Variants in SPAST observed in about 807,000 individuals in gnomAD.
SPAST encodes spastin, also known as spastic paraplegia 4 (autosomal dominant; spastin).
A neutral mutation model predicts 76.6 loss-of-function variants in SPAST; 30 were observed. The ratio of observed to expected loss-of-function variants is 0.39; its 90% confidence interval spans 0.29 to 0.53. The LOEUF (loss-of-function observed/expected upper bound fraction) is 0.53. Ranked by LOEUF, SPAST falls within the 20% of genes least tolerant of loss-of-function variation. The pLI, the probability that SPAST is intolerant of heterozygous loss-of-function variation, is 0.68. For synonymous variants in SPAST, 305 were observed against 281.0 expected, an observed-to-expected ratio of 1.09 and a Z score of -0.86; for missense variants, 717 against 770.5, an observed-to-expected ratio of 0.93 and a Z score of 0.82.
At chr2:32,154,284 ACAG>A (rs1195014745) in intron 16 of SPAST, 87 bp from the exon 17 acceptor site, 42 of 1,103,682 alleles carry the variant, frequency 3.8e-5, no homozygotes, top group Admixed American at 2.4e-4. Flanking sequence ...ACATTAAGAA[ACAG>A]CAGCATCATT....
chr2:32,105,919 TGAG>T (rs1418591196), intron 4 of SPAST, among the ~76,000 whole-genome samples: 1 of 152,310 alleles, frequency 6.6e-6, no homozygotes, highest in South Asian at 2.1e-4. Context: ...GGGACCCACT[TGAG>T]GAGGCAGTCT....
Position 32,094,645 on chromosome 2 carries a change from C to T in SPAST, c.587-4151C>T, listed in dbSNP as rs116379437. ...CCACCATGAGGACTTGAGCTTTTAC[C>T]GCCTGTGAAATGGGGAGCAGTTACA... is the stretch of plus-strand genomic sequence containing the variant. On this transcript the variant is annotated intron_variant, in intron 3 of 16. Transcript: ENST00000315285. Among the ~76,000 whole-genome samples, 911 of 152,242 alleles carry T rather than the reference C, an allele frequency of 6.0e-3. 11 individuals are homozygous for T. Among genetic ancestry groups the T allele is most frequent in the African/African-American group, 0.021 (853 of 41,548 alleles).
At chr2:32,086,490 C>T (rs1007680181) in intron 1 of SPAST, among the ~76,000 whole-genome samples, 4 of 151,094 alleles carry the variant, frequency 2.6e-5, no homozygotes, top group East Asian at 1.9e-4. Flanking sequence ...AGGCCGGGCG[C>T]GGTGGCTCAC....
Position 32,155,385 on chromosome 2 carries a change from G to A in SPAST, c.*889G>A, listed in dbSNP as rs1282597917. 6.6e-6 allele frequency: 1 copy of A among 152,482 alleles called. No individual in the cohort carries two copies. The highest frequency in any genetic ancestry group is 6.6e-5 in the Admixed American group (1 of 15,262). The allele number at this position is 152,482 out of a possible 1,614,324, so 9.4% of individuals were successfully genotyped here. A position where few individuals can be genotyped will look rare whatever the true frequency, so the allele number is the denominator to read the frequency against. On this transcript the variant is annotated 3_prime_UTR_variant, in exon 17 of 17. Coordinates refer to ENST00000315285, the MANE Select transcript of SPAST (RefSeq NM_014946.4). ...AGCCAATTTTAACTGCTGTGAAAAT[G>A]TTTCCAGTGCAAGAGAAGGGAAATA...
chr2:32,130,979 T>C (rs562781008), intron 9 of SPAST, among the ~76,000 whole-genome samples: 1 of 152,286 alleles, frequency 6.6e-6, no homozygotes, highest in African/African-American at 2.4e-5. Context: ...ATTTGTAAGG[T>C]TGTATAATGA....
chr2:32,115,029 ACCTCCG>A (rs1209352493), intron 5 of SPAST, among the ~76,000 whole-genome samples: 1 of 149,752 alleles, frequency 6.7e-6, no homozygotes, highest in Non-Finnish European at 1.5e-5. Flanking sequence ...GCTCATTGCA[ACCTCCG>A]CCTCCCAGGT....
At chr2:32,105,556 G>C (rs1347786625) in intron 4 of SPAST, among the ~76,000 whole-genome samples, 1 of 152,178 alleles carries the variant, frequency 6.6e-6, no homozygotes, top group South Asian at 2.1e-4. Flanking sequence ...AGAATTTTCA[G>C]CTTTTCTGCT....
chr2:32,069,722 A>G (rs1294989640), intron 1 of SPAST, among the ~76,000 whole-genome samples: 2 of 151,650 alleles, frequency 1.3e-5, no homozygotes, highest in Non-Finnish European at 2.9e-5. Flanking sequence ...ACACCTGGCT[A>G]ATTTTTTTTG....
Position 32,114,714 on chromosome 2 carries a change from G to A in SPAST, c.759G>A (p.Met253Ile), listed in dbSNP as rs1187886675. The A allele has an allele frequency of 1.2e-6, 2 of 1,614,048 alleles. No homozygotes were observed. Among genetic ancestry groups the A allele is most frequent in the African/African-American group, 1.3e-5 (1 of 75,040 alleles). ...SNSLPRSKTV[M>I]KTGSAGLSGH... ...CACTGCCTCGTTCAAAAACAGTTAT[G>A]AAAACTGGATCTGCAGGCCTTTCAG... is the stretch of plus-strand genomic sequence containing the variant. The change falls in exon 5 of 17, where the codon ATG becomes ATA. Residue 253 changes from methionine (M) to isoleucine (I), a missense_variant. This residue lies in a region of SPAST where 543 missense variants were observed against 445.2 expected (regional missense o/e 1.22). Coordinates refer to ENST00000315285, the MANE Select transcript of SPAST (RefSeq NM_014946.4).
intron 4 of SPAST, among the ~76,000 whole-genome samples, chr2:32,110,782 ATATATAGTATAGTATACATAGTATAC>A: frequency 7.1e-6 from 1 of 140,702 alleles, no homozygotes; most frequent in African/African-American, 2.6e-5. Context: ...ATAGTATACT[ATATATAGTATAGTATACATAGTATAC>A]TATATAGTAT....
intron 3 of SPAST, among the ~76,000 whole-genome samples, chr2:32,090,934 G>A (rs1677689143): frequency 6.6e-6 from 1 of 152,172 alleles, no homozygotes; most frequent in South Asian, 2.1e-4. Context: ...GAGGTTAGCA[G>A]CAGTTAACTA....
At chr2:32,153,495 T>G (rs1294102915) in intron 16 of SPAST, among the ~76,000 whole-genome samples, 3 of 151,882 alleles carry the variant, frequency 2.0e-5, no homozygotes, top group Non-Finnish European at 4.4e-5. Context: ...TTTGTATTTT[T>G]AGTGGAGACG....
intron 13 of SPAST, 46 bp downstream of exon 13, chr2:32,141,992 G>T: frequency 1.5e-6 from 2 of 1,372,238 alleles, no homozygotes; most frequent in Non-Finnish European, 2.1e-6. Context: ...GCAGAAACAA[G>T]AACTACCATC....
chr2:32,075,893 G>GTTT, intron 1 of SPAST, among the ~76,000 whole-genome samples: 1 of 70,024 alleles, frequency 1.4e-5, no homozygotes, highest in Non-Finnish European at 2.7e-5. Context: ...AATTCAAAAT[G>GTTT]CTCTTTTTTT....
rs1357119242 is a variant in SPAST at position 32,083,743 on chromosome 2, ATATATAC to A, written c.416-3742_416-3736del. ...ATATTTATATATACTATATATATTT[ATATATAC>A]TATATATATATATATATATATATAT... On this transcript the variant is annotated intron_variant, in intron 1 of 16. Transcript: ENST00000315285. 5.0e-3 allele frequency among the ~76,000 whole-genome samples: 294 copies of A among 59,080 alleles called. 2 individuals carry two copies. Among genetic ancestry groups the A allele is most frequent in the African/African-American group, 8.7e-3 (130 of 14,998 alleles). 38.8% of individuals were successfully genotyped at this position (59,080 alleles called of 152,430 possible). A position where few individuals can be genotyped will look rare whatever the true frequency, so the allele number is the denominator to read the frequency against.
chr2:32,064,292 C>CGCGGGAAAGAGGGG, intron 1 of SPAST, 46 bp downstream of exon 1: 3 of 284,176 alleles, frequency 1.1e-5, no homozygotes, highest in East Asian at 1.5e-4. Flanking sequence ...GGGAAGAAGG[C>CGCGGGAAAGAGGGG]GGTGGGGTCG....
chr2:32,139,625 C>T (rs560249023), intron 12 of SPAST, among the ~76,000 whole-genome samples: 4 of 151,622 alleles, frequency 2.6e-5, no homozygotes, highest in Non-Finnish European at 4.4e-5. Context: ...GTCAGGAGTT[C>T]GAGACCAGCC....
At position 32,093,563 on chromosome 2, in the gene SPAST, A is replaced by T. The variant is rs142651278; in HGVS notation, c.586+3958A>T. 3.3e-4 allele frequency among the ~76,000 whole-genome samples: 50 copies of T among 151,942 alleles called. No individual in the cohort carries two copies. In the East Asian group the frequency reaches 9.5e-3, roughly 29 times the overall value. On this transcript the variant is annotated intron_variant, in intron 3 of 16. Transcript: ENST00000315285. ...TGTTTCACTTATTTTTTTCCCATAT[A>T]TTTGTCACCTTCTAATAAACTGTGT...
chr2:32,147,225 A>T lies in SPAST; in HGVS notation c.1695A>T (p.Lys565Asn), dbSNP rs1408334332. 2 of 1,609,204 alleles carry T rather than the reference A, an allele frequency of 1.2e-6. No homozygotes were observed. The highest frequency in any genetic ancestry group is 1.7e-6 in the Non-Finnish European group (2 of 1,175,866). The change falls in exon 16 of 17, where the codon AAA becomes AAT. Residue 565 changes from lysine (K) to asparagine (N), a missense_variant. Physicochemically the swap from Lys to Asn is moderately conservative, Grantham distance 94. Transcript: ENST00000315285. ...GACTTTTATGTTTTACAGAACTAAAACCAGAACAGGTGAAGAATATGTCTG... is the reference window on the plus strand; with the variant it reads ...GACTTTTATGTTTTACAGAACTAAATCCAGAACAGGTGAAGAATATGTCTG... ...DAALGPIREL[K>N]PEQVKNMSAS...
Sources: allele counts gnomAD v4.1 joint callset (sites outside exome capture counted in the v4.1 genomes callset), GRCh38; gene constraint gnomAD v4.1.1; regional missense constraint gnomAD v4.1.1; transcripts MANE v1.5; gene names NCBI Gene and HGNC (gene_info 2026-07-23, HGNC 2026-07-21).